Variants in ATP8A1 observed in about 807,000 individuals in gnomAD.
ATP8A1 encodes ATPase phospholipid transporting 8A1, also known as phospholipid-transporting ATPase IA.
ATP8A1 carries 90 observed loss-of-function variants against 177.7 expected under a neutral mutation model. The ratio of observed to expected loss-of-function variants is 0.51; its 90% confidence interval spans 0.43 to 0.60. ATP8A1 has a LOEUF of 0.60. Ranked by LOEUF, ATP8A1 falls within the 20% of genes least tolerant of loss-of-function variation. The pLI is 0.00. For synonymous variants in ATP8A1, 493 were observed against 485.9 expected, an observed-to-expected ratio of 1.01 and a Z score of -0.19; for missense variants, 1,072 against 1,392.8, an observed-to-expected ratio of 0.77 and a Z score of 3.67.
Position 42,586,484 on chromosome 4 carries a change from G to C in ATP8A1, c.595-8C>G, listed in dbSNP as rs1360136046. ...TGATGTTGCTGGTAAGCCCTGTTTG[G>C]AATTTTTAAATAAGCAAAAAGTATA... On this transcript the variant is annotated splice_polypyrimidine_tract_variant and splice_region_variant and intron_variant, in intron 8 of 36. Transcript: ENST00000381668. 9 of 1,612,234 alleles carry C rather than the reference G, an allele frequency of 5.6e-6. No individual in the cohort carries two copies. Among genetic ancestry groups the C allele is most frequent in the Non-Finnish European group, 6.8e-6 (8 of 1,179,436 alleles).
chr4:42,476,965 T>C (rs1222475246), intron 25 of ATP8A1, among the ~76,000 whole-genome samples: 1 of 152,244 alleles, frequency 6.6e-6, no homozygotes, highest in African/African-American at 2.4e-5. Context: ...TATATGTCTG[T>C]TTGATATATA....
At chr4:42,490,711 C>T (rs1264893433) in intron 24 of ATP8A1, among the ~76,000 whole-genome samples, 8 of 152,100 alleles carry the variant, frequency 5.3e-5, no homozygotes, top group African/African-American at 1.9e-4. Flanking sequence ...TCCTTTAAGC[C>T]TACCTAAAAG....
chr4:42,471,357 T>TA (rs1421555422), intron 25 of ATP8A1, among the ~76,000 whole-genome samples: 2 of 152,152 alleles, frequency 1.3e-5, no homozygotes, highest in Non-Finnish European at 2.9e-5. Context: ...TCTACAGAAA[T>TA]AAAATACAGA....
At chr4:42,649,494 A>G (rs1034675828) in intron 1 of ATP8A1, among the ~76,000 whole-genome samples, 1 of 152,182 alleles carries the variant, frequency 6.6e-6, no homozygotes, top group African/African-American at 2.4e-5. Context: ...CAATGTGATT[A>G]TATTTGGATG....
chr4:42,538,575 T>A (rs185186768), intron 20 of ATP8A1, among the ~76,000 whole-genome samples: 13 of 151,670 alleles, frequency 8.6e-5, no homozygotes, highest in African/African-American at 3.1e-4. Context: ...AAATAAACAA[T>A]CCCATCAAAA....
chr4:42,460,602 TG>T (rs1250390714), intron 27 of ATP8A1, among the ~76,000 whole-genome samples: 3 of 152,216 alleles, frequency 2.0e-5, no homozygotes, highest in Non-Finnish European at 4.4e-5. Flanking sequence ...TTGGCCAGGT[TG>T]GTCTCGAACT....
In ATP8A1 at chr4:42,455,603, G is replaced by T. The variant is rs1339736898; in HGVS notation, c.2620-4C>A. ...CATTAACAAAGGCAAACCAGATCTAGGAAAAAAAACCCAAAACCCCCAAAT... is the reference window on the plus strand; with the variant it reads ...CATTAACAAAGGCAAACCAGATCTATGAAAAAAAACCCAAAACCCCCAAAT... On this transcript the variant is annotated splice_region_variant and splice_polypyrimidine_tract_variant and intron_variant, in intron 27 of 36. Transcript: ENST00000381668. 8 of 1,611,194 alleles carry T rather than the reference G, an allele frequency of 5.0e-6. No homozygotes were observed. Among genetic ancestry groups the T allele is most frequent in the Non-Finnish European group, 5.9e-6 (7 of 1,179,164 alleles).
At chr4:42,613,916 T>G (rs1210841348) in intron 5 of ATP8A1, among the ~76,000 whole-genome samples, 2 of 152,042 alleles carry the variant, frequency 1.3e-5, no homozygotes, top group Non-Finnish European at 2.9e-5. Flanking sequence ...TTTTTGATCT[T>G]CAATTGGTTG....
At chr4:42,421,667 G>A (rs1342042534) in intron 35 of ATP8A1, among the ~76,000 whole-genome samples, 1 of 152,134 alleles carries the variant, frequency 6.6e-6, no homozygotes, top group Non-Finnish European at 1.5e-5. Flanking sequence ...AGAGCTGGAA[G>A]CCAAGGTCTC....
intron 24 of ATP8A1, among the ~76,000 whole-genome samples, chr4:42,494,511 C>G (rs1723075166): frequency 6.6e-6 from 1 of 152,202 alleles, no homozygotes; most frequent in South Asian, 2.1e-4. Flanking sequence ...CTTATGAAAT[C>G]TCCCAATGGC....
chr4:42,597,749 C>G (rs978549808), intron 6 of ATP8A1, among the ~76,000 whole-genome samples: 2 of 152,024 alleles, frequency 1.3e-5, no homozygotes, highest in Non-Finnish European at 2.9e-5. Context: ...GGATAAATTT[C>G]CAGAATCCCG....
At chr4:42,445,682 C>G (rs1717134541) in intron 31 of ATP8A1, among the ~76,000 whole-genome samples, 1 of 152,166 alleles carries the variant, frequency 6.6e-6, no homozygotes, top group Admixed American at 6.5e-5. Context: ...ACAGTAAGAA[C>G]AGTTGAGCTT....
chr4:42,612,642 A>G (rs1216505214), intron 5 of ATP8A1, among the ~76,000 whole-genome samples: 1 of 151,624 alleles, frequency 6.6e-6, no homozygotes, highest in Admixed American at 6.6e-5. Context: ...CAGCTTATAT[A>G]TCTCTGGGGC....
intron 15 of ATP8A1, 32 bp from the exon 16 acceptor site, chr4:42,556,072 T>G: frequency 6.7e-7 from 1 of 1,496,202 alleles, no homozygotes; most frequent in South Asian, 1.2e-5. Flanking sequence ...GTAAACCCAG[T>G]TCATTTATAC....
At chr4:42,615,100 T>C (rs1441446271) in intron 5 of ATP8A1, among the ~76,000 whole-genome samples, 1 of 152,252 alleles carries the variant, frequency 6.6e-6, no homozygotes, top group African/African-American at 2.4e-5. Flanking sequence ...ATAAGCTCTT[T>C]ATAAGTTGTA....
At chr4:42,465,848 C>T (rs896504699) in intron 25 of ATP8A1, among the ~76,000 whole-genome samples, 157 of 151,958 alleles carry the variant, frequency 1.0e-3, no homozygotes, top group Non-Finnish European at 7.4e-4. Context: ...CTGGCTAACA[C>T]GGTGAAACCC....
intron 25 of ATP8A1, among the ~76,000 whole-genome samples, chr4:42,477,484 C>T (rs563781956): frequency 6.6e-6 from 1 of 152,130 alleles, no homozygotes; most frequent in East Asian, 1.9e-4. Flanking sequence ...CCATACCCAT[C>T]CCCCTCTCTT....
At chr4:42,571,992 C>T (rs1379821903) in intron 14 of ATP8A1, among the ~76,000 whole-genome samples, 1 of 152,190 alleles carries the variant, frequency 6.6e-6, no homozygotes, top group Non-Finnish European at 1.5e-5. Flanking sequence ...TATCAGGAAA[C>T]TTCAAGCCTT....
chr4:42,416,304 C>T (rs191753426), intron 35 of ATP8A1, among the ~76,000 whole-genome samples: 8 of 152,228 alleles, frequency 5.3e-5, no homozygotes, highest in East Asian at 3.9e-4. Flanking sequence ...GAAATGACTA[C>T]GGGAGACTAG....
Sources: allele counts gnomAD v4.1 joint callset (sites outside exome capture counted in the v4.1 genomes callset), GRCh38; gene constraint gnomAD v4.1.1; transcripts MANE v1.5; gene names NCBI Gene and HGNC (gene_info 2026-07-23, HGNC 2026-07-21).